The following TXNRD1 variants were observed in gnomAD, a reference collection of about 807,000 sequenced individuals.
The protein encoded by TXNRD1 is thioredoxin reductase 1, cytoplasmic.
TXNRD1 carries 57 observed loss-of-function variants against 80.3 expected under a neutral mutation model. The ratio of observed to expected loss-of-function variants is 0.71; its 90% confidence interval spans 0.57 to 0.89. The LOEUF is 0.89. Among genes scored for constraint, TXNRD1 ranks in the 40% least tolerant of loss-of-function variants. The probability of loss-of-function intolerance (pLI) is 0.00; values close to 1 mark genes in which losing one functional copy is unlikely to be tolerated. For missense variants in TXNRD1, 730 were observed against 803.0 expected (o/e 0.91, Z 1.10); for synonymous variants, 291 against 285.2 (o/e 1.02, Z -0.20).
intron 3 of TXNRD1, among the ~76,000 whole-genome samples, chr12:104,264,882 A>G (rs1230311354): frequency 1.3e-5 from 2 of 152,224 alleles, no homozygotes; most frequent in African/African-American, 4.8e-5. Flanking sequence ...CTAAGGTTCT[A>G]GAGCCCTTTA....
At chr12:104,289,138 C>G in intron 4 of TXNRD1, 98 bp downstream of exon 4, 1 of 1,401,420 alleles carries the variant, frequency 7.1e-7, no homozygotes, top group South Asian at 1.4e-5. Context: ...ATGTGACCCT[C>G]CAAACGGGAC....
chr12:104,272,365 A>C (rs2033668956), intron 3 of TXNRD1, among the ~76,000 whole-genome samples: 1 of 152,178 alleles, frequency 6.6e-6, no homozygotes, highest in Non-Finnish European at 1.5e-5. Context: ...AATCATTATG[A>C]CAGAGCAGGT....
intron 2 of TXNRD1, among the ~76,000 whole-genome samples, chr12:104,253,346 A>C (rs993787413): frequency 4.6e-5 from 7 of 152,110 alleles, no homozygotes; most frequent in Admixed American, 2.0e-4. Context: ...GATGCCTTTC[A>C]TGTAGGACAT....
intron 3 of TXNRD1, among the ~76,000 whole-genome samples, chr12:104,263,065 G>C (rs963765835): frequency 1.3e-5 from 2 of 152,174 alleles, no homozygotes; most frequent in African/African-American, 4.8e-5. Flanking sequence ...GAGTTCTACT[G>C]AGATTGGTAT....
chr12:104,345,380 A>G (rs1205407448), intron 16 of TXNRD1, among the ~76,000 whole-genome samples: 1 of 152,210 alleles, frequency 6.6e-6, no homozygotes, highest in Non-Finnish European at 1.5e-5. Flanking sequence ...ATCCTGGGCA[A>G]TTGAGAGCAG....
chr12:104,269,569 T>TTTG (rs927875116), intron 3 of TXNRD1, among the ~76,000 whole-genome samples: 3 of 151,526 alleles, frequency 2.0e-5, no homozygotes, highest in Non-Finnish European at 4.4e-5. Context: ...CTAGCTAATT[T>TTTG]TTGTTGTTGT....
At chr12:104,318,680 T>TA (rs2035416383) in intron 7 of TXNRD1, among the ~76,000 whole-genome samples, 1 of 152,268 alleles carries the variant, frequency 6.6e-6, no homozygotes, top group Non-Finnish European at 1.5e-5. Flanking sequence ...TGTGTATTGT[T>TA]ATTTTAGTTT....
In TXNRD1 at chr12:104,331,612, G is replaced by A. The variant is rs1417682386; in HGVS notation, c.1621G>A (p.Val541Met). ...TTGTGGCCTTTCTGAGGAGAAAGCT[G>A]TGGAGAAGTTTGGGGAAGAAAATAT... ...GACGLSEEKA[V>M]EKFGEENIEV... The change falls in exon 14 of 17, where the codon GTG becomes ATG. Residue 541 changes from valine (V) to methionine (M), a missense_variant. Transcript: ENST00000525566. The A allele has an allele frequency of 5.6e-6, 9 of 1,612,338 alleles. No individual in the cohort carries two copies. Among genetic ancestry groups the A allele is most frequent in the Admixed American group, 3.3e-5 (2 of 59,952 alleles).
intron 15 of TXNRD1, among the ~76,000 whole-genome samples, chr12:104,335,132 C>A (rs1324192618): frequency 4.0e-5 from 6 of 151,176 alleles, no homozygotes; most frequent in African/African-American, 1.5e-4. Context: ...CACAGATATA[C>A]TTTATTCATA....
intron 6 of TXNRD1, 142 bp from the exon 7 acceptor site, chr12:104,315,631 GAGTT>G: frequency 1.2e-6 from 1 of 838,114 alleles, no homozygotes; most frequent in South Asian, 2.0e-5. Context: ...GATGTTGTAA[GAGTT>G]AGGAATAAAC....
intron 3 of TXNRD1, chr12:104,265,786 C>A (rs1593725501): frequency 7.0e-6 from 11 of 1,569,838 alleles, no homozygotes; most frequent in Non-Finnish European, 7.8e-6. Context: ...CCGGGTCCTG[C>A]GCCGTCAGCA....
chr12:104,248,880 C>T (rs918823115), intron 1 of TXNRD1, among the ~76,000 whole-genome samples: 2 of 151,488 alleles, frequency 1.3e-5, no homozygotes, highest in African/African-American at 4.9e-5. Context: ...GGCTGGAGTG[C>T]ACGATCTCGG....
chr12:104,284,143 T>C (rs1293587373), intron 3 of TXNRD1: 1 of 152,172 alleles, frequency 6.6e-6, no homozygotes, highest in Non-Finnish European at 1.5e-5. Flanking sequence ...ACGTGTGAAA[T>C]GGTCATTTTG....
chr12:104,301,869 TAAG>T (rs2034639587), intron 4 of TXNRD1, among the ~76,000 whole-genome samples: 1 of 152,202 alleles, frequency 6.6e-6, no homozygotes, highest in Non-Finnish European at 1.5e-5. Flanking sequence ...AGAAGAGGGA[TAAG>T]AACTTTTTCT....
At chr12:104,333,338 G>A (rs1235646354) in intron 14 of TXNRD1, among the ~76,000 whole-genome samples, 1 of 151,706 alleles carries the variant, frequency 6.6e-6, no homozygotes, top group Non-Finnish European at 1.5e-5. Flanking sequence ...AATTTGCTTT[G>A]TTATTATAGA....
rs182866963 is a variant in TXNRD1, at chr12:104,345,989, C to T, written c.1882-2364C>T. On this transcript the variant is annotated intron_variant, in intron 16 of 16. Transcript: ENST00000525566. ...ATAAAAATTCTAAAACAGTTGTGTA[C>T]GAATGAAATCTGTCAATTGACCCAA... The T allele has an allele frequency of 3.7e-3, 4,706 of 1,288,186 alleles. 9 individuals carry two copies. The highest frequency in any genetic ancestry group is 4.2e-3 in the Non-Finnish European group (4,121 of 988,430). The allele number at this position is 1,288,186 out of a possible 1,614,324, so 79.8% of individuals were successfully genotyped here.
intron 2 of TXNRD1, 31 bp downstream of exon 2, chr12:104,251,709 G>A (rs1188953378): frequency 6.3e-7 from 1 of 1,598,230 alleles, no homozygotes; most frequent in Non-Finnish European, 8.5e-7. Context: ...GGTTTAAATG[G>A]AATTGAAGGA....
At chr12:104,265,357 C>T (rs944827336) in intron 3 of TXNRD1, 7 of 1,609,352 alleles carry the variant, frequency 4.3e-6, no homozygotes, top group Non-Finnish European at 5.1e-6. Context: ...GGGTCGCTGC[C>T]TGCCCACCCC....
At chr12:104,257,637 G>A (rs939956727) in intron 2 of TXNRD1, among the ~76,000 whole-genome samples, 1 of 152,058 alleles carries the variant, frequency 6.6e-6, no homozygotes, top group Non-Finnish European at 1.5e-5. Flanking sequence ...TTGAACTCCT[G>A]ACCTCAGGTG....
Sources: allele counts gnomAD v4.1 joint callset (sites outside exome capture counted in the v4.1 genomes callset), GRCh38; gene constraint gnomAD v4.1.1; transcripts MANE v1.5; gene names NCBI Gene and HGNC (gene_info 2026-07-23, HGNC 2026-07-21).